The following TEC variants were observed in gnomAD, a reference collection of about 807,000 sequenced individuals.
TEC encodes tyrosine-protein kinase Tec.
Under a neutral mutation model 93.0 loss-of-function variants are expected in TEC, and 72 were observed. The observed-to-expected ratio is 0.77, with a 90% confidence interval of 0.64 to 0.94. The LOEUF is 0.94. Among genes scored for constraint, TEC ranks in the 40% least tolerant of loss-of-function variants. The probability of loss-of-function intolerance (pLI) is 0.00; values close to 1 mark genes in which losing one functional copy is unlikely to be tolerated. For missense variants in TEC, 630 were observed against 757.9 expected, an observed-to-expected ratio of 0.83 and a Z score of 1.98; for synonymous variants, 249 against 247.7, an observed-to-expected ratio of 1.01 and a Z score of -0.05.
At chr4:48,212,840 T>C (rs1164241352) in intron 2 of TEC, among the ~76,000 whole-genome samples, 1 of 151,892 alleles carries the variant, frequency 6.6e-6, no homozygotes, top group Non-Finnish European at 1.5e-5. Context: ...CCCACAGAGG[T>C]AGAACTATAG....
At chr4:48,241,844 A>AT (rs1723931152) in intron 1 of TEC, among the ~76,000 whole-genome samples, 2 of 152,010 alleles carry the variant, frequency 1.3e-5, no homozygotes, top group Non-Finnish European at 1.5e-5. Flanking sequence ...TCTTTTTACC[A>AT]TTTTCAGTTC....
At chr4:48,267,327 G>A (rs1724665043) in intron 1 of TEC, among the ~76,000 whole-genome samples, 1 of 152,156 alleles carries the variant, frequency 6.6e-6, no homozygotes, top group Non-Finnish European at 1.5e-5. Flanking sequence ...AGTCAAACAT[G>A]GTGGGGAAAT....
intron 2 of TEC, among the ~76,000 whole-genome samples, chr4:48,213,144 T>G (rs1009088379): frequency 1.3e-5 from 2 of 152,178 alleles, no homozygotes; most frequent in African/African-American, 4.8e-5. Context: ...TGTGATTGCT[T>G]GGAATAAAGA....
At chr4:48,159,873 G>T (rs139970599) in intron 8 of TEC, among the ~76,000 whole-genome samples, 1 of 152,170 alleles carries the variant, frequency 6.6e-6, no homozygotes, top group Non-Finnish European at 1.5e-5. Flanking sequence ...GTTCTTGTGG[G>T]AACTAAGCGT....
At chr4:48,221,310 C>T (rs753725608) in intron 2 of TEC, among the ~76,000 whole-genome samples, 9 of 152,124 alleles carry the variant, frequency 5.9e-5, no homozygotes, top group South Asian at 2.1e-4. Context: ...ATCCTGGGGG[C>T]GGTTACCCCC....
chr4:48,194,078 T>A (rs139256661), intron 2 of TEC, among the ~76,000 whole-genome samples: 1 of 152,082 alleles, frequency 6.6e-6, no homozygotes, highest in Non-Finnish European at 1.5e-5. Context: ...CCATGACCAA[T>A]GGATTGATGA....
At chr4:48,246,465 T>C (rs1288646925) in intron 1 of TEC, among the ~76,000 whole-genome samples, 2 of 146,820 alleles carry the variant, frequency 1.4e-5, no homozygotes, top group East Asian at 4.2e-4. Context: ...CAAAACTATC[T>C]TGAAAAAAAA....
At chr4:48,188,734 T>C (rs1192796364) in intron 2 of TEC, among the ~76,000 whole-genome samples, 1 of 152,236 alleles carries the variant, frequency 6.6e-6, no homozygotes, top group Admixed American at 6.5e-5. Flanking sequence ...TTCACTTTTA[T>C]ATACCATAGA....
At chr4:48,225,575 A>G (rs528182810) in intron 2 of TEC, among the ~76,000 whole-genome samples, 2 of 152,334 alleles carry the variant, frequency 1.3e-5, no homozygotes, top group East Asian at 3.9e-4. Flanking sequence ...TAGCACAAAC[A>G]TGGAAGAAAC....
At chr4:48,207,451 G>A (rs906957256) in intron 2 of TEC, among the ~76,000 whole-genome samples, 2 of 152,038 alleles carry the variant, frequency 1.3e-5, no homozygotes, top group African/African-American at 4.8e-5. Context: ...ACGTCCTCAA[G>A]GAAAATATGT....
chr4:48,160,737 A>AAAAGAAAGAAAGAAAG (rs200782202), intron 8 of TEC, among the ~76,000 whole-genome samples: 50 of 131,426 alleles, frequency 3.8e-4, no homozygotes, highest in African/African-American at 1.1e-3. Context: ...CAGAAAAAAA[A>AAAAGAAAGAAAGAAAG]AAAGAAAGAA....
At chr4:48,250,969 C>T (rs775811571) in intron 1 of TEC, among the ~76,000 whole-genome samples, 5 of 152,190 alleles carry the variant, frequency 3.3e-5, no homozygotes, top group South Asian at 2.1e-4. Flanking sequence ...ATCATTATCC[C>T]GCATCAGGAC....
chr4:48,152,879 A>G (rs1720232800), intron 9 of TEC, among the ~76,000 whole-genome samples: 1 of 152,240 alleles, frequency 6.6e-6, no homozygotes, highest in African/African-American at 2.4e-5. Context: ...AATAAGCAGG[A>G]GGTAAAATGA....
intron 1 of TEC, among the ~76,000 whole-genome samples, chr4:48,249,285 A>C (rs780312681): frequency 3.9e-5 from 6 of 152,194 alleles, no homozygotes. Context: ...GGCTGAGCTA[A>C]ATAGGTTGCT....
chr4:48,220,220 A>C (rs1420602108), intron 2 of TEC, among the ~76,000 whole-genome samples: 1 of 151,408 alleles, frequency 6.6e-6, no homozygotes, highest in East Asian at 2.0e-4. Context: ...CCAGCCATGC[A>C]ACATGTTCTG....
intron 1 of TEC, among the ~76,000 whole-genome samples, chr4:48,231,710 T>C (rs1012088419): frequency 1.5e-4 from 22 of 151,594 alleles, no homozygotes; most frequent in African/African-American, 4.6e-4. Flanking sequence ...TGAGCCAAGA[T>C]CGCACCACTG....
chr4:48,220,193 T>C (rs549529762), intron 2 of TEC, among the ~76,000 whole-genome samples: 101 of 151,184 alleles, frequency 6.7e-4, no homozygotes, highest in African/African-American at 2.4e-3. Flanking sequence ...TCCTCATCTC[T>C]AGGATATCCA....
At chr4:48,230,288 A>G (rs1033091232) in intron 1 of TEC, among the ~76,000 whole-genome samples, 10 of 152,112 alleles carry the variant, frequency 6.6e-5, no homozygotes, top group South Asian at 2.1e-4. Context: ...TCATCATCCA[A>G]TCAGGCCCCT....
chr4:48,168,395 A>G (rs1181642571), intron 6 of TEC, among the ~76,000 whole-genome samples, 191 bp downstream of exon 6: 6 of 152,236 alleles, frequency 3.9e-5, no homozygotes, highest in African/African-American at 7.2e-5. Context: ...ATACAATTAA[A>G]TTGGTATTAT....
Sources: allele counts gnomAD v4.1 joint callset (sites outside exome capture counted in the v4.1 genomes callset), GRCh38; gene constraint gnomAD v4.1.1; transcripts MANE v1.5; gene names NCBI Gene and HGNC (gene_info 2026-07-23, HGNC 2026-07-21).